The following KCNIP1 variants were observed in gnomAD, a reference collection of about 807,000 sequenced individuals.
KCNIP1 encodes the protein potassium voltage-gated channel interacting protein 1.
KCNIP1 carries 18 observed loss-of-function variants against 33.0 expected under a neutral mutation model. The observed-to-expected ratio is 0.55, with a 90% CI of 0.38 to 0.81. The LOEUF is 0.81. KCNIP1 is among the 30% of genes least tolerant of loss of function. The pLI is 0.00. For synonymous variants in KCNIP1, 93 were observed against 98.3 expected, an observed-to-expected ratio of 0.95 and a Z score of 0.32; for missense variants, 238 against 271.6, an observed-to-expected ratio of 0.88 and a Z score of 0.87.
At chr5:170,450,049 C>T (rs1756209718) in intron 1 of KCNIP1, among the ~76,000 whole-genome samples, 1 of 152,104 alleles carries the variant, frequency 6.6e-6, no homozygotes, top group Non-Finnish European at 1.5e-5. Context: ...TTACTTAGGC[C>T]TTGAAACATG....
intron 3 of KCNIP1, among the ~76,000 whole-genome samples, chr5:170,721,334 A>G (rs1373254637): frequency 3.9e-5 from 6 of 152,184 alleles, no homozygotes; most frequent in Non-Finnish European, 8.8e-5. Flanking sequence ...GCACAGCTGT[A>G]GTTTAAAATA....
At chr5:170,421,431 A>G (rs1490954788) in intron 1 of KCNIP1, among the ~76,000 whole-genome samples, 1 of 152,184 alleles carries the variant, frequency 6.6e-6, no homozygotes, top group Non-Finnish European at 1.5e-5. Flanking sequence ...GGCTGCTATA[A>G]CAAAATATCA....
At chr5:170,726,583 C>T (rs1340092938) in intron 5 of KCNIP1, among the ~76,000 whole-genome samples, 1 of 151,930 alleles carries the variant, frequency 6.6e-6, no homozygotes, top group Non-Finnish European at 1.5e-5. Flanking sequence ...TAAAGCTCAG[C>T]ACACACTTAA....
intron 1 of KCNIP1, among the ~76,000 whole-genome samples, chr5:170,588,896 C>T (rs1758099485): frequency 1.3e-5 from 2 of 152,074 alleles, no homozygotes; most frequent in African/African-American, 2.4e-5. Context: ...AAGTCGCTTC[C>T]CCTCTCTGAC....
chr5:170,604,816 C>A (rs541167258), intron 1 of KCNIP1, among the ~76,000 whole-genome samples: 7 of 152,162 alleles, frequency 4.6e-5, no homozygotes, highest in Admixed American at 2.6e-4. Context: ...CAGGTTCAGC[C>A]CCCCCAGGAG....
intron 1 of KCNIP1, among the ~76,000 whole-genome samples, chr5:170,710,790 C>G (rs768806999): frequency 9.9e-5 from 15 of 152,230 alleles, no homozygotes; most frequent in South Asian, 4.1e-4. Flanking sequence ...ATATGCTCTT[C>G]CCTTGTTCCC....
chr5:170,732,031 G>A (rs1325558749), intron 5 of KCNIP1, among the ~76,000 whole-genome samples: 2 of 151,996 alleles, frequency 1.3e-5, no homozygotes, highest in Admixed American at 6.6e-5. Context: ...CTGAGTGAAA[G>A]GTATGCATGA....
intron 1 of KCNIP1, among the ~76,000 whole-genome samples, chr5:170,574,138 T>A (rs1561694848): frequency 6.6e-6 from 1 of 152,224 alleles, no homozygotes; most frequent in Non-Finnish European, 1.5e-5. Context: ...CATTTGCAGC[T>A]ACAGAAAGCA....
chr5:170,431,630 A>G (rs1280610500), intron 1 of KCNIP1, among the ~76,000 whole-genome samples: 1 of 152,256 alleles, frequency 6.6e-6, no homozygotes, highest in Non-Finnish European at 1.5e-5. Context: ...AAATGGATCC[A>G]ACCAGAGAGA....
At chr5:170,601,958 G>A (rs899105747) in intron 1 of KCNIP1, among the ~76,000 whole-genome samples, 5 of 152,274 alleles carry the variant, frequency 3.3e-5, no homozygotes, top group Admixed American at 6.5e-5. Context: ...AGATGGTGCC[G>A]GAGGACTGGG....
intron 1 of KCNIP1, among the ~76,000 whole-genome samples, chr5:170,660,494 T>C (rs1027066308): frequency 1.3e-5 from 2 of 152,290 alleles, no homozygotes; most frequent in African/African-American, 2.4e-5. Context: ...CAGCTAATGA[T>C]ATTTGTTCCT....
chr5:170,617,699 C>T (rs1006857781), intron 1 of KCNIP1, among the ~76,000 whole-genome samples: 6 of 152,146 alleles, frequency 3.9e-5, no homozygotes, highest in African/African-American at 1.4e-4. Flanking sequence ...CTGAAATGTC[C>T]TGCAGGAAAA....
chr5:170,600,046 T>C (rs13158317), intron 1 of KCNIP1, among the ~76,000 whole-genome samples: 3 of 152,158 alleles, frequency 2.0e-5, no homozygotes, highest in African/African-American at 7.2e-5. Context: ...ATTCAAGCCA[T>C]ATAAAGACAA....
chr5:170,513,359 A>G (rs1755011173), intron 1 of KCNIP1, among the ~76,000 whole-genome samples: 1 of 152,222 alleles, frequency 6.6e-6, no homozygotes, highest in African/African-American at 2.4e-5. Flanking sequence ...TGGTCATCTC[A>G]TATAAATTGT....
chr5:170,503,261 G>A (rs1241085050), upstream of KCNIP1, among the ~76,000 whole-genome samples: 1 of 151,998 alleles, frequency 6.6e-6, no homozygotes, highest in Non-Finnish European at 1.5e-5. Flanking sequence ...GGGCCTAGTG[G>A]TGGGCGCCTG....
chr5:170,679,468 C>T (rs1268723070), intron 1 of KCNIP1, among the ~76,000 whole-genome samples: 1 of 152,134 alleles, frequency 6.6e-6, no homozygotes, highest in Non-Finnish European at 1.5e-5. Context: ...GACCAGCATT[C>T]ACATTCAGTT....
At chr5:170,580,207 C>G (rs13355095) in intron 1 of KCNIP1, among the ~76,000 whole-genome samples, 4,738 of 152,244 alleles carry the variant, frequency 0.031, 235 homozygotes, top group African/African-American at 0.11. Context: ...TATCATTTAT[C>G]TTCAAAGGAT....
chr5:170,645,732 A>G (rs777817322), intron 1 of KCNIP1, among the ~76,000 whole-genome samples: 1 of 152,236 alleles, frequency 6.6e-6, no homozygotes, highest in Non-Finnish European at 1.5e-5. Context: ...CATTAAACAT[A>G]CTTAACAAAA....
At chr5:170,373,937 A>G (rs1161251203) in intron 1 of KCNIP1, among the ~76,000 whole-genome samples, 1 of 152,200 alleles carries the variant, frequency 6.6e-6, no homozygotes, top group Non-Finnish European at 1.5e-5. Context: ...TTTCCCTTCC[A>G]TGTGACAGGG....
Sources: allele counts gnomAD v4.1 joint callset (sites outside exome capture counted in the v4.1 genomes callset), GRCh38; gene constraint gnomAD v4.1.1; transcripts MANE v1.5; gene names NCBI Gene and HGNC (gene_info 2026-07-23, HGNC 2026-07-21).